THSD4: variants seen among roughly 807,000 people sequenced by gnomAD.
The protein encoded by THSD4 is thrombospondin type 1 domain containing 4.
In THSD4, 69 loss-of-function variants were observed where a neutral mutation model predicts 119.0. The ratio of observed to expected loss-of-function variants is 0.58; its 90% CI spans 0.48 to 0.71. The LOEUF (loss-of-function observed/expected upper bound fraction) is 0.71, where lower values mean the gene tolerates loss of function less well. THSD4 is among the 30% of genes least tolerant of loss of function. The pLI, the probability that THSD4 is intolerant of heterozygous loss-of-function variation, is 0.00. For synonymous variants in THSD4, 524 were observed against 540.4 expected, an observed-to-expected ratio of 0.97 and a Z score of 0.42; for missense variants, 1,393 against 1,391.1, an observed-to-expected ratio of 1.00 and a Z score of -0.02.
chr15:71,221,292 T>C (rs1409471195), intron 4 of THSD4, among the ~76,000 whole-genome samples: 2 of 152,214 alleles, frequency 1.3e-5, no homozygotes, highest in Non-Finnish European at 2.9e-5. Context: ...TAACATAAAA[T>C]TGACCATCTT....
At chr15:71,367,166 A>C (rs1324417935) in intron 6 of THSD4, among the ~76,000 whole-genome samples, 3 of 151,886 alleles carry the variant, frequency 2.0e-5, no homozygotes, top group Non-Finnish European at 4.4e-5. Context: ...CACAAGGTTG[A>C]CCTTGATGAT....
intron 11 of THSD4, among the ~76,000 whole-genome samples, chr15:71,741,231 C>T (rs144633228): frequency 1.4e-4 from 22 of 152,260 alleles, no homozygotes; most frequent in African/African-American, 5.3e-4. Flanking sequence ...TGGCTCATAC[C>T]TGTAATCGAA....
At chr15:71,563,453 C>T (rs1291359796) in intron 7 of THSD4, among the ~76,000 whole-genome samples, 6 of 152,122 alleles carry the variant, frequency 3.9e-5, no homozygotes, top group South Asian at 4.1e-4. Context: ...GTAAGCACTT[C>T]GGGATAGTCA....
intron 6 of THSD4, among the ~76,000 whole-genome samples, chr15:71,361,721 A>G (rs1374963962): frequency 6.6e-6 from 1 of 152,224 alleles, no homozygotes; most frequent in Non-Finnish European, 1.5e-5. Flanking sequence ...TTGTCATCAC[A>G]AAAGATTGGA....
intron 6 of THSD4, among the ~76,000 whole-genome samples, chr15:71,261,740 A>G (rs2044402633): frequency 6.6e-6 from 1 of 152,216 alleles, no homozygotes; most frequent in African/African-American, 2.4e-5. Flanking sequence ...ACTGGAAGCC[A>G]CTGAGATGTT....
At chr15:71,486,611 GTTTTTTTTTTTT>G (rs200120589) in intron 7 of THSD4, among the ~76,000 whole-genome samples, 4 of 131,750 alleles carry the variant, frequency 3.0e-5, no homozygotes, top group East Asian at 2.1e-4. Flanking sequence ...TTTCTTTTCT[GTTTTTTTTTTTT>G]TTTTTTTTTT....
chr15:71,702,313 C>A (rs1295367838), intron 8 of THSD4, among the ~76,000 whole-genome samples: 1 of 152,154 alleles, frequency 6.6e-6, no homozygotes, highest in Non-Finnish European at 1.5e-5. Context: ...TTAATTGATT[C>A]ATTTCATCAT....
intron 7 of THSD4, among the ~76,000 whole-genome samples, chr15:71,639,815 G>A (rs2140960808): frequency 6.8e-6 from 1 of 147,472 alleles, no homozygotes; most frequent in Non-Finnish European, 1.5e-5. Context: ...GCCTAAGACA[G>A]CTGTAGATGT....
chr15:71,447,220 A>T (rs1324514620), intron 7 of THSD4, among the ~76,000 whole-genome samples: 5 of 142,834 alleles, frequency 3.5e-5, no homozygotes, highest in Non-Finnish European at 7.5e-5. Context: ...TCTTGGGTTC[A>T]AGGAATTCTC....
At chr15:71,295,973 C>T (rs750759524) in intron 6 of THSD4, among the ~76,000 whole-genome samples, 3 of 152,168 alleles carry the variant, frequency 2.0e-5, no homozygotes, top group Non-Finnish European at 4.4e-5. Flanking sequence ...TTCATTAATA[C>T]TGTAGCATGT....
At chr15:71,375,930 A>G (rs754590998) in intron 6 of THSD4, among the ~76,000 whole-genome samples, 5 of 152,226 alleles carry the variant, frequency 3.3e-5, no homozygotes, top group Non-Finnish European at 7.3e-5. Flanking sequence ...CAACTGACCT[A>G]GCACTTTTCT....
intron 11 of THSD4, among the ~76,000 whole-genome samples, chr15:71,742,662 C>T (rs781647356): frequency 1.5e-4 from 23 of 152,190 alleles, no homozygotes; most frequent in Non-Finnish European, 2.9e-4. Flanking sequence ...AATTGAATTG[C>T]AATCTTGAAC....
chr15:71,112,173 T>G (rs1390334470), upstream of THSD4: 5 of 1,613,778 alleles, frequency 3.1e-6, no homozygotes, highest in East Asian at 4.5e-5. Context: ...TGCTGCAGGC[T>G]GGGAACCACA....
chr15:71,709,642 C>A (rs979665419), intron 8 of THSD4, among the ~76,000 whole-genome samples: 1 of 152,152 alleles, frequency 6.6e-6, no homozygotes, highest in South Asian at 2.1e-4. Flanking sequence ...TCTTAAGGGT[C>A]TTATGTAGAA....
intron 6 of THSD4, among the ~76,000 whole-genome samples, chr15:71,289,709 G>A (rs183045670): frequency 9.3e-4 from 141 of 152,248 alleles, no homozygotes; most frequent in African/African-American, 3.2e-3. Flanking sequence ...GAATCATAAC[G>A]CGTAGAGCCC....
intron 7 of THSD4, among the ~76,000 whole-genome samples, chr15:71,432,363 C>T (rs1479551706): frequency 6.6e-6 from 1 of 152,134 alleles, no homozygotes; most frequent in Non-Finnish European, 1.5e-5. Context: ...AATCACAGGT[C>T]ATTGTGAAAC....
At position 71,653,523 on chromosome 15, in the gene THSD4, T is replaced by A. The variant is rs546564876; in HGVS notation, c.1153-7007T>A. Among the ~76,000 whole-genome samples the A allele has an allele frequency of 5.3e-4, 80 of 152,332 alleles. No individual in the cohort carries two copies. The Middle Eastern group carries it at 0.01, about 19-fold the overall frequency. ...GCATCTGGTGGGTAGAAGCCAAGGA[T>A]GCTGCTAAACATCCTACAATGCATA... On this transcript the variant is annotated intron_variant, in intron 7 of 17. Transcript: ENST00000261862.
At chr15:71,648,626 GA>G (rs1292507755) in intron 7 of THSD4, among the ~76,000 whole-genome samples, 2 of 152,190 alleles carry the variant, frequency 1.3e-5, no homozygotes, top group East Asian at 3.9e-4. Context: ...AATGCAAATA[GA>G]TTGTGACAGT....
chr15:71,202,057 T>C (rs1596266617), intron 3 of THSD4, among the ~76,000 whole-genome samples: 1 of 152,146 alleles, frequency 6.6e-6, no homozygotes, highest in Admixed American at 6.5e-5. Flanking sequence ...TTGGTGGTGG[T>C]CTGGACCGTA....
Sources: gnomAD v4.1 joint callset for allele counts (sites outside exome capture counted in the v4.1 genomes callset) on GRCh38, gnomAD v4.1.1 for gene constraint, MANE v1.5 for transcripts, NCBI Gene and HGNC (gene_info 2026-07-23, HGNC 2026-07-21) for gene names.